EYA2: variants seen among roughly 807,000 people sequenced by gnomAD.
EYA2 encodes the protein EYA transcriptional coactivator and phosphatase 2.
A neutral mutation model predicts 69.2 loss-of-function variants in EYA2; 31 were observed. The observed-to-expected ratio is 0.45, with a 90% CI of 0.34 to 0.60. The LOEUF is 0.60. Ranked by LOEUF, EYA2 falls within the 20% of genes least tolerant of loss-of-function variation. The pLI, the probability that EYA2 is intolerant of heterozygous loss-of-function variation, is 0.02. For missense variants in EYA2, 622 were observed against 701.2 expected (o/e 0.89, Z 1.28); for synonymous variants, 257 against 279.4 (o/e 0.92, Z 0.80).
chr20:47,188,318 A>G lies in EYA2; in HGVS notation c.*185A>G, dbSNP rs2034688833. 1 of 621,426 alleles carries G rather than the reference A, an allele frequency of 1.6e-6. No individual in the cohort carries two copies. The highest frequency in any genetic ancestry group is 2.8e-5 in the Admixed American group (1 of 35,904). The allele number at this position is 621,426 out of a possible 1,614,324, so 38.5% of individuals were successfully genotyped here. A position where few individuals can be genotyped will look rare whatever the true frequency, so the allele number is the denominator to read the frequency against. ...TCCAAATGGGGGTTCTGAGAAGGAA[A>G]GTACCCAACATTGGCTTCGGAGTAT... On this transcript the variant is annotated 3_prime_UTR_variant, in exon 16 of 16. Transcript: ENST00000327619.
intron 1 of EYA2, among the ~76,000 whole-genome samples, chr20:46,914,631 G>T (rs1984809932): frequency 6.6e-6 from 1 of 152,186 alleles, no homozygotes; most frequent in African/African-American, 2.4e-5. Context: ...ACTCACTATT[G>T]TGAGACTAGG....
chr20:47,050,347 C>A (rs2030268132), intron 5 of EYA2, among the ~76,000 whole-genome samples: 2 of 152,168 alleles, frequency 1.3e-5, no homozygotes, highest in African/African-American at 4.8e-5. Flanking sequence ...CAGACCTCAC[C>A]CATCCCTTGG....
intron 9 of EYA2, among the ~76,000 whole-genome samples, chr20:47,137,330 G>T (rs978072540): frequency 6.6e-6 from 1 of 152,158 alleles, no homozygotes; most frequent in Non-Finnish European, 1.5e-5. Context: ...TTGCTTAAAG[G>T]CTCAAGGAAG....
At chr20:47,101,079 TTTA>T (rs1201193076) in intron 9 of EYA2, among the ~76,000 whole-genome samples, 5 of 152,148 alleles carry the variant, frequency 3.3e-5, no homozygotes, top group Admixed American at 6.5e-5. Context: ...TCCCTCTTTT[TTTA>T]TTATTTTTAT....
chr20:47,066,134 G>A (rs983747124), intron 5 of EYA2, among the ~76,000 whole-genome samples: 1 of 152,152 alleles, frequency 6.6e-6, no homozygotes, highest in East Asian at 1.9e-4. Flanking sequence ...GAGCCCAGGA[G>A]TTCAACACCA....
chr20:47,085,578 G>A (rs887422062), intron 7 of EYA2, among the ~76,000 whole-genome samples: 4 of 151,742 alleles, frequency 2.6e-5, no homozygotes, highest in African/African-American at 7.3e-5. Flanking sequence ...CCGGGGAGGC[G>A]GAGGTTGCAG....
chr20:46,910,921 G>T (rs1425225889), intron 1 of EYA2, among the ~76,000 whole-genome samples: 3 of 152,162 alleles, frequency 2.0e-5, no homozygotes, highest in Non-Finnish European at 4.4e-5. Context: ...CAGTTGACTG[G>T]GGCTGGGAAC....
rs759880122 is a variant in EYA2 at position 47,016,177 on chromosome 20, A to G, written c.299-4A>G. 13 of 1,610,138 alleles carry G rather than the reference A, an allele frequency of 8.1e-6. No homozygotes were observed. In the South Asian group the frequency reaches 1.2e-4, roughly 15 times the overall value. On this transcript the variant is annotated splice_region_variant and splice_polypyrimidine_tract_variant and intron_variant, in intron 4 of 15. Transcript: ENST00000327619. The stretch of plus-strand genomic sequence containing the variant: ...TCCTTTTTTTTCCCCCTCTTCCTTC[A>G]AAGGCATCAAGACAGAAGACAGCTT...
chr20:47,173,980 G>A (rs1217331120), intron 12 of EYA2, among the ~76,000 whole-genome samples: 1 of 152,218 alleles, frequency 6.6e-6, no homozygotes, highest in Non-Finnish European at 1.5e-5. Flanking sequence ...CAAACAAGAA[G>A]TCTGAAGGCA....
chr20:46,952,439 G>T (rs891862961), intron 1 of EYA2, among the ~76,000 whole-genome samples: 3 of 152,180 alleles, frequency 2.0e-5, no homozygotes, highest in African/African-American at 7.2e-5. Flanking sequence ...TTAGAAATCG[G>T]TGTGATGAAT....
At chr20:46,987,964 C>CTCTCTCTCTATA (rs1555809797) in intron 1 of EYA2, among the ~76,000 whole-genome samples, 15 of 11,272 alleles carry the variant, frequency 1.3e-3, no homozygotes, top group African/African-American at 1.9e-3. Context: ...CTCTCTCTCT[C>CTCTCTCTCTATA]TATATATATA....
chr20:47,127,425 G>A (rs1397360051), intron 9 of EYA2, among the ~76,000 whole-genome samples: 2 of 152,152 alleles, frequency 1.3e-5, no homozygotes, highest in African/African-American at 4.8e-5. Context: ...CCAACATGGT[G>A]AAATCCCATC....
At chr20:46,953,713 T>C (rs1441460609) in intron 1 of EYA2, among the ~76,000 whole-genome samples, 1 of 152,208 alleles carries the variant, frequency 6.6e-6, no homozygotes, top group Non-Finnish European at 1.5e-5. Context: ...AACTGTCCAC[T>C]GGGAAGTAAA....
intron 4 of EYA2, 99 bp downstream of exon 4, chr20:47,005,183 A>G: frequency 2.2e-6 from 3 of 1,370,380 alleles, no homozygotes; most frequent in Non-Finnish European, 3.0e-6. Flanking sequence ...AATAGACACA[A>G]CCAAGCTGAT....
At chr20:47,141,045 A>G (rs2033583806) in intron 9 of EYA2, among the ~76,000 whole-genome samples, 1 of 152,204 alleles carries the variant, frequency 6.6e-6, no homozygotes, top group African/African-American at 2.4e-5. Context: ...ACCTCCTACT[A>G]GGCCTTACCT....
chr20:46,963,447 G>T (rs1417415023), intron 1 of EYA2, among the ~76,000 whole-genome samples: 6 of 152,152 alleles, frequency 3.9e-5, no homozygotes, highest in Admixed American at 3.9e-4. Flanking sequence ...GAACCGACAA[G>T]GTCCCTGCCC....
At chr20:46,967,330 C>G (rs1241944782) in intron 1 of EYA2, among the ~76,000 whole-genome samples, 3 of 152,248 alleles carry the variant, frequency 2.0e-5, no homozygotes, top group African/African-American at 7.2e-5. Flanking sequence ...AGCCACATTT[C>G]AAGTCACCTG....
At chr20:46,943,642 CTG>C (rs1450581904) in intron 1 of EYA2, among the ~76,000 whole-genome samples, 1 of 152,188 alleles carries the variant, frequency 6.6e-6, no homozygotes, top group Non-Finnish European at 1.5e-5. Flanking sequence ...CCAGCTGAAA[CTG>C]TTTCTCCCTG....
intron 5 of EYA2, 22 bp downstream of exon 5, chr20:47,016,319 C>A (rs1293657823): frequency 1.3e-6 from 2 of 1,585,208 alleles, no homozygotes; most frequent in Non-Finnish European, 1.7e-6. Flanking sequence ...GCTGTGGCCC[C>A]TTCCTGCCCA....
Sources: allele counts gnomAD v4.1 joint callset (sites outside exome capture counted in the v4.1 genomes callset), GRCh38; gene constraint gnomAD v4.1.1; transcripts MANE v1.5; gene names NCBI Gene and HGNC (gene_info 2026-07-23, HGNC 2026-07-21).